SLC4A8: variants seen among roughly 807,000 people sequenced by gnomAD.
SLC4A8 encodes electroneutral sodium bicarbonate exchanger 1.
In SLC4A8, 40 loss-of-function variants were observed where a neutral mutation model predicts 125.0. The observed-to-expected ratio is 0.32, with a 90% CI of 0.25 to 0.42. The LOEUF is 0.42. Among genes scored for constraint, SLC4A8 ranks in the 10% least tolerant of loss-of-function variants. The pLI, the probability that SLC4A8 is intolerant of heterozygous loss-of-function variation, is 1.00. For missense variants in SLC4A8, 863 were observed against 1,355.1 expected (o/e 0.64, Z 5.70); for synonymous variants, 456 against 476.0 (o/e 0.96, Z 0.55).
chr12:51,458,665 G>A lies in SLC4A8; in HGVS notation c.855+15G>A, dbSNP rs1389618734. ...ATTTAAGCAAGGTGAGCAGAGTGGT[G>A]GGAAGTTGGCTTCAAGGCCTAAGGT... On this transcript the variant is annotated intron_variant, in intron 7 of 24. Transcript: ENST00000453097. 1.3e-6 allele frequency: 2 copies of A among 1,590,618 alleles called. No individual in the cohort carries two copies. The highest frequency in any genetic ancestry group is 2.2e-5 in the East Asian group (1 of 44,770).
At chr12:51,451,917 T>A (rs1414452717) in intron 3 of SLC4A8, among the ~76,000 whole-genome samples, 3 of 152,176 alleles carry the variant, frequency 2.0e-5, no homozygotes, top group African/African-American at 7.2e-5. Context: ...TTCTCGTGGG[T>A]TTTCTTCAAG....
chr12:51,480,359 T>C, intron 16 of SLC4A8: 2 of 1,168,778 alleles, frequency 1.7e-6, no homozygotes, highest in Non-Finnish European at 2.1e-6. Context: ...GGAATAAAAG[T>C]CTAGAATGTG....
intron 1 of SLC4A8, chr12:51,392,813 A>C (rs1163947018): frequency 6.6e-6 from 1 of 152,164 alleles, no homozygotes; most frequent in African/African-American, 2.4e-5. Context: ...CGTGCTGCTC[A>C]GTGGTCCTCT....
chr12:51,472,659 AG>A (rs1443613186), intron 14 of SLC4A8, among the ~76,000 whole-genome samples: 5 of 152,156 alleles, frequency 3.3e-5, no homozygotes, highest in African/African-American at 1.2e-4. Context: ...AACATGACAA[AG>A]GATCTGTCTT....
At chr12:51,463,149 A>G (rs1398426164) in intron 10 of SLC4A8, among the ~76,000 whole-genome samples, 2 of 152,190 alleles carry the variant, frequency 1.3e-5, no homozygotes, top group African/African-American at 4.8e-5. Flanking sequence ...CCTACTGTGT[A>G]TTAGACAGCA....
intron 5 of SLC4A8, among the ~76,000 whole-genome samples, chr12:51,454,498 G>A (rs981049655): frequency 7.5e-6 from 1 of 134,220 alleles, no homozygotes; most frequent in African/African-American, 2.9e-5. Context: ...AGGGGGATGT[G>A]TCAGGGTCAC....
intron 8 of SLC4A8, among the ~76,000 whole-genome samples, chr12:51,460,705 A>G (rs1366235611): frequency 2.0e-5 from 3 of 152,236 alleles, no homozygotes; most frequent in Admixed American, 1.3e-4. Flanking sequence ...CATTTGTTCA[A>G]AAGGCTATTC....
At chr12:51,397,136 G>A (rs937079907) in intron 1 of SLC4A8, among the ~76,000 whole-genome samples, 2 of 151,872 alleles carry the variant, frequency 1.3e-5, no homozygotes, top group African/African-American at 2.4e-5. Flanking sequence ...CACCATATTG[G>A]CCAGGCTGGT....
At chr12:51,444,905 A>G (rs1042543172) in intron 2 of SLC4A8, among the ~76,000 whole-genome samples, 1 of 152,222 alleles carries the variant, frequency 6.6e-6, no homozygotes, top group African/African-American at 2.4e-5. Context: ...ATTAAATAAT[A>G]CTAGCAGTAT....
intron 1 of SLC4A8, among the ~76,000 whole-genome samples, chr12:51,426,055 G>A (rs1187115360): frequency 6.6e-6 from 1 of 152,150 alleles, no homozygotes; most frequent in African/African-American, 2.4e-5. Context: ...GCTCTGAAGA[G>A]GGTAATGGGC....
At chr12:51,457,890 G>T (rs971836878) in intron 6 of SLC4A8, among the ~76,000 whole-genome samples, 4 of 152,116 alleles carry the variant, frequency 2.6e-5, no homozygotes, top group African/African-American at 9.7e-5. Flanking sequence ...GATTAGGGAG[G>T]CAAAATACAG....
chr12:51,419,374 TA>T (rs1948741826), intron 1 of SLC4A8, among the ~76,000 whole-genome samples: 1 of 152,232 alleles, frequency 6.6e-6, no homozygotes, highest in Admixed American at 6.5e-5. Flanking sequence ...ATACTTAGTA[TA>T]AAAAGCTCAG....
intron 16 of SLC4A8, chr12:51,479,969 A>ATTTTTT: frequency 6.6e-6 from 2 of 301,952 alleles, no homozygotes; most frequent in South Asian, 5.1e-5. Context: ...TATAAATGGA[A>ATTTTTT]TTTTTTTTTT....
At chr12:51,427,049 C>T (rs1016629499) in intron 1 of SLC4A8, among the ~76,000 whole-genome samples, 1 of 151,598 alleles carries the variant, frequency 6.6e-6, no homozygotes, top group Admixed American at 6.6e-5. Context: ...CGCCATTCTC[C>T]TGCCTCGGTC....
At chr12:51,435,099 A>C (rs1197931103) in intron 1 of SLC4A8, among the ~76,000 whole-genome samples, 1 of 152,124 alleles carries the variant, frequency 6.6e-6, no homozygotes, top group Non-Finnish European at 1.5e-5. Flanking sequence ...ACTTTCAGTA[A>C]ATTGGTATTT....
chr12:51,423,409 G>C (rs1345982074), upstream of SLC4A8, among the ~76,000 whole-genome samples: 1 of 152,050 alleles, frequency 6.6e-6, no homozygotes, highest in Non-Finnish European at 1.5e-5. Context: ...TGGGGATGAG[G>C]GTAGGATGTG....
At chr12:51,486,342 T>A (rs1951160907) in intron 17 of SLC4A8, among the ~76,000 whole-genome samples, 3 of 152,002 alleles carry the variant, frequency 2.0e-5, no homozygotes, top group African/African-American at 7.2e-5. Flanking sequence ...CCTTCAAGGA[T>A]GGTGCCCCTT....
At chr12:51,453,882 C>A (rs1481872487) in intron 5 of SLC4A8, among the ~76,000 whole-genome samples, 183 bp downstream of exon 5, 3 of 152,226 alleles carry the variant, frequency 2.0e-5, no homozygotes, top group Non-Finnish European at 4.4e-5. Flanking sequence ...ACTCTACCTA[C>A]TTCACAGGTG....
chr12:51,420,351 C>T (rs1278468434), upstream of SLC4A8: 1 of 152,156 alleles, frequency 6.6e-6, no homozygotes, highest in Non-Finnish European at 1.5e-5. Context: ...ACAGAGTAAA[C>T]TGATGGAGGA....
Sources: gnomAD v4.1 joint callset for allele counts (sites outside exome capture counted in the v4.1 genomes callset) on GRCh38, gnomAD v4.1.1 for gene constraint, MANE v1.5 for transcripts, NCBI Gene and HGNC (gene_info 2026-07-23, HGNC 2026-07-21) for gene names.